GART: variants seen among roughly 807,000 people sequenced by gnomAD.
GART encodes trifunctional purine biosynthetic protein adenosine-3.
GART carries 43 observed loss-of-function variants against 107.2 expected under a neutral mutation model. The observed-to-expected ratio is 0.40, with a 90% CI of 0.31 to 0.52. The LOEUF (loss-of-function observed/expected upper bound fraction) is 0.52, where lower values mean the gene tolerates loss of function less well. Among genes scored for constraint, GART ranks in the 20% least tolerant of loss-of-function variants. The pLI is 0.52. For missense variants in GART, 1,107 were observed against 1,206.5 expected (o/e 0.92, Z 1.22); for synonymous variants, 434 against 427.0 (o/e 1.02, Z -0.20).
intron 18 of GART, among the ~76,000 whole-genome samples, chr21:33,507,251 T>C (rs1461508503): frequency 1.3e-5 from 2 of 152,122 alleles, no homozygotes; most frequent in African/African-American, 4.8e-5. Context: ...TGCAACAACA[T>C]GGATGGAACG....
In GART at chr21:33,524,929, C is replaced by A. The variant is rs1343194795; in HGVS notation, c.1138G>T (p.Val380Leu). 3 of 1,614,204 alleles carry A rather than the reference C, an allele frequency of 1.9e-6. No individual in the cohort carries two copies. The Admixed American group carries it at 5.0e-5, about 27-fold the overall frequency. The change falls in exon 11 of 22, where the codon GTA becomes TTA. Residue 380 changes from valine (V) to leucine (L), a missense_variant. By Grantham distance (32) the Val-to-Leu change is conservative. Coordinates refer to ENST00000381815, the MANE Select transcript of GART (RefSeq NM_000819.5). The stretch of plus-strand genomic sequence containing the variant: ...GCAAGAACTCTACCCCCATGAGTTA[C>A]TACTTTGCCATTTTTGAGGGCAGTG... ...AGTALKNGKV[V>L]THGGRVLAVT...
chr21:33,539,388 G>C, intron 1 of GART, 32 bp from the exon 2 acceptor site: 1 of 1,528,816 alleles, frequency 6.5e-7, no homozygotes, highest in Non-Finnish European at 8.8e-7. Context: ...TTATATCTTA[G>C]GATGCACATT....
At chr21:33,511,109 G>A in intron 17 of GART, 143 bp downstream of exon 17, 1 of 804,388 alleles carries the variant, frequency 1.2e-6, no homozygotes, top group Admixed American at 2.0e-5. Flanking sequence ...GGTGGGTGCT[G>A]TCATGTTACA....
intron 1 of GART, 66 bp from the exon 2 acceptor site, chr21:33,539,422 G>C (rs2085366882): frequency 7.9e-7 from 1 of 1,270,828 alleles, no homozygotes; most frequent in Non-Finnish European, 1.1e-6. Flanking sequence ...GACGGGCACA[G>C]TGGCTCATGC....
intron 1 of GART, among the ~76,000 whole-genome samples, chr21:33,540,587 G>A (rs994787529): frequency 3.3e-5 from 5 of 152,218 alleles, no homozygotes; most frequent in African/African-American, 1.2e-4. Context: ...TTAGAAGGAT[G>A]GATACAACAG....
intron 16 of GART, among the ~76,000 whole-genome samples, chr21:33,516,667 C>T (rs1052031020): frequency 1.2e-4 from 18 of 152,178 alleles, no homozygotes; most frequent in Non-Finnish European, 2.5e-4. Flanking sequence ...ATATGGATTA[C>T]TTAATAGCTA....
intron 14 of GART, 73 bp downstream of exon 14, chr21:33,520,291 G>T: frequency 1.5e-6 from 2 of 1,325,956 alleles, no homozygotes; most frequent in Non-Finnish European, 2.2e-6. Flanking sequence ...CATTGGCACT[G>T]ATCACATTTT....
chr21:33,511,577 A>G, intron 16 of GART, 119 bp from the exon 17 acceptor site: 2 of 1,058,328 alleles, frequency 1.9e-6, no homozygotes, highest in Non-Finnish European at 2.8e-6. Context: ...ATGTAGGGTA[A>G]AACTATAAAT....
intron 12 of GART, 78 bp downstream of exon 12, chr21:33,522,110 T>A (rs2145718048): frequency 2.7e-6 from 3 of 1,091,386 alleles, no homozygotes; most frequent in Non-Finnish European, 2.8e-6. Context: ...TGGAAAATAT[T>A]CCTGTTAAAT....
chr21:33,504,000 G>GT lies in GART; in HGVS notation c.*123dup. On this transcript the variant is annotated 3_prime_UTR_variant, in exon 22 of 22. Coordinates refer to ENST00000381815, the MANE Select transcript of GART (RefSeq NM_000819.5). Reference sequence around the variant, plus strand: ...TCTATTTATTAAAAAAATAGATGAAGTAAGGGTGAGGTCTTTTTTGTCTTT... The same window carrying GT: ...TCTATTTATTAAAAAAATAGATGAAGTTAAGGGTGAGGTCTTTTTTGTCTTT... The GT allele has an allele frequency of 2.6e-6, 2 of 777,688 alleles. No individual in the cohort carries two copies. Among genetic ancestry groups the GT allele is most frequent in the Non-Finnish European group, 4.0e-6 (2 of 502,666 alleles). 48.2% of individuals were successfully genotyped at this position (777,688 alleles called of 1,614,324 possible).
chr21:33,522,271 T>G lies in GART; in HGVS notation c.1310A>C (p.Tyr437Ser). ...TGCGATATCTACTCCAGATTCCTTGTAAGTCAAACTCCTAAAGAATTAAAA... is the reference window on the plus strand; with the variant it reads ...TGCGATATCTACTCCAGATTCCTTGGAAGTCAAACTCCTAAAGAATTAAAA... ...AFLQQPRSLT[Y>S]KESGVDIAAG... Residue 437 changes from tyrosine to serine, a missense_variant, in exon 12 of 22, where the codon TAC (tyrosine) becomes TCC (serine). Transcript: ENST00000381815. 1 of 1,611,422 alleles carries G rather than the reference T, an allele frequency of 6.2e-7. No homozygotes were observed. The highest frequency in any genetic ancestry group is 8.5e-7 in the Non-Finnish European group (1 of 1,177,648).
chr21:33,519,067 TTC>T, intron 14 of GART: 1 of 296,300 alleles, frequency 3.4e-6, no homozygotes, highest in Non-Finnish European at 6.8e-6. Flanking sequence ...ACCACCTTCT[TTC>T]TGTTTCTTTT....
intron 20 of GART, among the ~76,000 whole-genome samples, chr21:33,505,172 G>A (rs1479697918): frequency 6.6e-6 from 1 of 152,138 alleles, no homozygotes; most frequent in Non-Finnish European, 1.5e-5. Flanking sequence ...AGAGAGGATG[G>A]ACTCTTCATT....
intron 7 of GART, among the ~76,000 whole-genome samples, chr21:33,529,347 C>T (rs570815480): frequency 9.2e-4 from 140 of 152,086 alleles, no homozygotes; most frequent in Middle Eastern, 3.4e-3. Flanking sequence ...TACACTATTA[C>T]CAAATGGTAG....
At chr21:33,527,747 G>A (rs1294421700) in intron 10 of GART, among the ~76,000 whole-genome samples, 2 of 152,160 alleles carry the variant, frequency 1.3e-5, no homozygotes, top group African/African-American at 4.8e-5. Flanking sequence ...GGGGTGCACT[G>A]TAAACTGGGG....
At chr21:33,532,308 A>G (rs750958149) in intron 5 of GART, 37 bp downstream of exon 5, 1 of 1,414,670 alleles carries the variant, frequency 7.1e-7, no homozygotes, top group Non-Finnish European at 1.0e-6. Flanking sequence ...ATTCAGTATG[A>G]ATAGAAAAGT....
At chr21:33,534,969 GATT>G (rs1428008457) in intron 3 of GART, among the ~76,000 whole-genome samples, 1 of 152,082 alleles carries the variant, frequency 6.6e-6, no homozygotes, top group Non-Finnish European at 1.5e-5. Flanking sequence ...TGCATATATG[GATT>G]ATTAAACACA....
intron 10 of GART, among the ~76,000 whole-genome samples, chr21:33,526,776 T>C (rs1214615845): frequency 6.6e-6 from 1 of 152,238 alleles, no homozygotes; most frequent in African/African-American, 2.4e-5. Context: ...TATTAGACTA[T>C]ATATTCTAAA....
Position 33,517,487 on chromosome 21 carries a change from AC to A in GART, c.1823del (p.Gly608ValfsTer7). ...KLPHLERITE[G>X]DVVVGIASSG... ...ATGAAGCTATTCCAACAACAACATCACCCTCAGTGATTCTTTCCAGGTGAGG... is the reference window on the plus strand; with the variant it reads ...ATGAAGCTATTCCAACAACAACATCACCTCAGTGATTCTTTCCAGGTGAGG... On this transcript the variant is annotated frameshift_variant, in exon 15 of 22. Coordinates refer to ENST00000381815, the MANE Select transcript of GART (RefSeq NM_000819.5). LOFTEE classifies it high-confidence loss of function. 1 of 1,614,092 alleles carries A rather than the reference AC, an allele frequency of 6.2e-7. No individual in the cohort carries two copies. The highest frequency in any genetic ancestry group is 8.5e-7 in the Non-Finnish European group (1 of 1,180,030).
Sources: gnomAD v4.1 joint callset for allele counts (sites outside exome capture counted in the v4.1 genomes callset) on GRCh38, gnomAD v4.1.1 for gene constraint, MANE v1.5 for transcripts, NCBI Gene and HGNC (gene_info 2026-07-23, HGNC 2026-07-21) for gene names.